The following CMTR1 variants were observed in gnomAD, a reference collection of about 807,000 sequenced individuals.
The protein encoded by CMTR1 is cap-specific mRNA (nucleoside-2'-O-)-methyltransferase 1.
Under a neutral mutation model 107.0 loss-of-function variants are expected in CMTR1, and 39 were observed. The ratio of observed to expected loss-of-function variants is 0.36; its 90% CI spans 0.28 to 0.48. The LOEUF (loss-of-function observed/expected upper bound fraction) is 0.48, where lower values mean the gene tolerates loss of function less well. Among genes scored for constraint, CMTR1 ranks in the 20% least tolerant of loss-of-function variants. The probability of loss-of-function intolerance (pLI) is 0.99; values close to 1 mark genes in which losing one functional copy is unlikely to be tolerated. For missense variants in CMTR1, 672 were observed against 1,064.9 expected (o/e 0.63, Z 5.14); for synonymous variants, 366 against 379.5 (o/e 0.96, Z 0.41).
At chr6:37,451,196 T>C (rs1470237718) in intron 5 of CMTR1, among the ~76,000 whole-genome samples, 1 of 152,208 alleles carries the variant, frequency 6.6e-6, no homozygotes, top group Non-Finnish European at 1.5e-5. Flanking sequence ...TTCTAGATAA[T>C]AGATTACCTG....
intron 1 of CMTR1, 105 bp downstream of exon 1, chr6:37,433,482 T>G (rs1368631308): frequency 6.6e-6 from 1 of 152,286 alleles, no homozygotes; most frequent in Non-Finnish European, 1.5e-5. Context: ...CGGTTATGGG[T>G]CTCCTCGCCT....
chr6:37,461,462 G>A (rs1468405800), intron 10 of CMTR1, 87 bp from the exon 11 acceptor site: 1 of 701,388 alleles, frequency 1.4e-6, no homozygotes, highest in Non-Finnish European at 2.5e-6. Context: ...AACACTTCAA[G>A]AACTCTCGAT....
At chr6:37,477,516 C>T (rs1317781997) in intron 20 of CMTR1, 76 bp from the exon 21 acceptor site, 1 of 1,369,154 alleles carries the variant, frequency 7.3e-7, no homozygotes, top group Non-Finnish European at 1.0e-6. Context: ...AGTGCAGTCT[C>T]CTGCCTCCCA....
chr6:37,432,422 G>A (rs1365873386), upstream of CMTR1, among the ~76,000 whole-genome samples: 1 of 152,212 alleles, frequency 6.6e-6, no homozygotes, highest in Non-Finnish European at 1.5e-5. Flanking sequence ...GACAGTCACG[G>A]GAGTTTGGAG....
Position 37,459,646 on chromosome 6 carries a change from A to G in CMTR1, c.1057A>G (p.Thr353Ala). ...SAFRNFVLDN[T>A]DRKGVHFLMA... ...TTTTCGGAATTTTGTCCTGGATAAC[A>G]CAGATCGCAAGGGTGTCCATTTTCT... The change falls in exon 10 of 24, where the codon ACA (threonine) becomes GCA (alanine). Residue 353 changes from threonine (T) to alanine (A), a missense_variant. Physicochemically the swap from Thr to Ala is moderately conservative, Grantham distance 58. This residue lies in a region of CMTR1 where 583 missense variants were observed against 968.4 expected (regional missense o/e 0.60). Coordinates refer to ENST00000373451, the MANE Select transcript of CMTR1 (RefSeq NM_015050.3). 1.2e-6 allele frequency: 2 copies of G among 1,614,182 alleles called. No individual in the cohort carries two copies. Among genetic ancestry groups the G allele is most frequent in the Non-Finnish European group, 8.5e-7 (1 of 1,180,034 alleles).
chr6:37,432,382 G>A (rs1379199019), upstream of CMTR1, among the ~76,000 whole-genome samples: 4 of 152,188 alleles, frequency 2.6e-5, no homozygotes, highest in African/African-American at 9.7e-5. Context: ...TTGGTTTTGT[G>A]AAGAACGCAT....
At chr6:37,478,544 C>T (rs1468432657) in intron 22 of CMTR1, 23 bp downstream of exon 22, 4 of 1,578,304 alleles carry the variant, frequency 2.5e-6, no homozygotes, top group South Asian at 2.2e-5. Context: ...GGACTGTTCC[C>T]GCCATCCCCT....
At chr6:37,450,001 A>G (rs1003010863) in intron 4 of CMTR1, among the ~76,000 whole-genome samples, 1 of 152,216 alleles carries the variant, frequency 6.6e-6, no homozygotes, top group Non-Finnish European at 1.5e-5. Context: ...ATAATGGAAC[A>G]AATGAAAGAA....
At chr6:37,430,154 A>T (rs966699324), upstream of CMTR1, among the ~76,000 whole-genome samples, 1 of 152,142 alleles carries the variant, frequency 6.6e-6, no homozygotes, top group Non-Finnish European at 1.5e-5. Flanking sequence ...AGGGGAAAAA[A>T]ATTGGGAAAC....
chr6:37,448,072 A>G (rs974856231), intron 4 of CMTR1, among the ~76,000 whole-genome samples: 1 of 151,760 alleles, frequency 6.6e-6, no homozygotes, highest in African/African-American at 2.4e-5. Context: ...TTAGCCGGGC[A>G]TGGTGGCGGG....
At position 37,458,169 on chromosome 6, in the gene CMTR1, C is replaced by G. The variant is rs2113877801; in HGVS notation, c.778-443C>G. ...TCCCGGGTTCAAGCAATTCTCATGC[C>G]TCAGCCTCCCGAGTAGCTGGGTTTA... On this transcript the variant is annotated intron_variant, in intron 8 of 23. Transcript: ENST00000373451. The surrounding 1 kb of genome is among the most constrained non-coding windows in gnomAD (Gnocchi z 4.7). 6.6e-6 allele frequency among the ~76,000 whole-genome samples: 1 copy of G among 152,228 alleles called. No individual in the cohort carries two copies. The highest frequency in any genetic ancestry group is 1.9e-4 in the East Asian group (1 of 5,182).
At chr6:37,467,691 C>T (rs537987290) in intron 13 of CMTR1, among the ~76,000 whole-genome samples, 2 of 152,184 alleles carry the variant, frequency 1.3e-5, no homozygotes, top group African/African-American at 4.8e-5. Flanking sequence ...ATGAATTGAC[C>T]TTTTATTGTT....
the CMTR1 span, among the ~76,000 whole-genome samples, chr6:37,427,486 G>A: frequency 2.6e-5 from 4 of 152,106 alleles, no homozygotes; most frequent in Non-Finnish European, 4.4e-5. The surrounding 1 kb of genome is among the most constrained non-coding windows in gnomAD (Gnocchi z 4.4). Flanking sequence ...AAAGCTTCCT[G>A]CCTTATAGAT....
chr6:37,473,404 C>T, intron 16 of CMTR1, 66 bp from the exon 17 acceptor site: 1 of 1,555,634 alleles, frequency 6.4e-7, no homozygotes, highest in South Asian at 1.2e-5. Context: ...TGCCCCCAGC[C>T]CAGATAGGCA....
At position 37,435,706 on chromosome 6, in the gene CMTR1, G is replaced by T. The variant is rs1771513153; in HGVS notation, c.77G>T (p.Ser26Ile). Reference protein sequence around the residue: ...QKKRVAELALSLSSTSDDEPP... With the variant: ...QKKRVAELALILSSTSDDEPP... Reference sequence around the variant, plus strand: ...AAAAGAGTTGCAGAGCTTGCCCTGAGCCTCAGCTCCACGTCCGATGATGAA... The same window carrying T: ...AAAAGAGTTGCAGAGCTTGCCCTGATCCTCAGCTCCACGTCCGATGATGAA... The change falls in exon 2 of 24, where the codon AGC (serine) becomes ATC (isoleucine). Residue 26 changes from serine (S) to isoleucine (I), a missense_variant. Transcript: ENST00000373451. 4.4e-6 allele frequency: 7 copies of T among 1,603,398 alleles called. No individual in the cohort carries two copies. The highest frequency in any genetic ancestry group is 6.0e-6 in the Non-Finnish European group (7 of 1,176,030).
chr6:37,446,148 T>G (rs1771789326), intron 3 of CMTR1, 143 bp from the exon 4 acceptor site: 3 of 918,538 alleles, frequency 3.3e-6, no homozygotes, highest in African/African-American at 1.7e-5. Flanking sequence ...TATTTATGCT[T>G]CTTTTCTTCA....
At chr6:37,446,520 A>G (rs1317257395) in intron 4 of CMTR1, 71 bp downstream of exon 4, 3 of 1,515,894 alleles carry the variant, frequency 2.0e-6, no homozygotes, top group Middle Eastern at 1.7e-4. Context: ...AAGAAGCCAT[A>G]TCAACAAACT....
At chr6:37,444,245 T>C (rs1428074570) in intron 3 of CMTR1, 95 bp downstream of exon 3, 1 of 1,434,840 alleles carries the variant, frequency 7.0e-7, no homozygotes, top group Non-Finnish European at 9.4e-7. Flanking sequence ...AGTTTGGCCA[T>C]AGGTTTTTCC....
intron 13 of CMTR1, among the ~76,000 whole-genome samples, chr6:37,464,070 T>C (rs1761454939): frequency 6.6e-6 from 1 of 152,196 alleles, no homozygotes; most frequent in African/African-American, 2.4e-5. Flanking sequence ...CACTTTTCTT[T>C]TTCTAAAAAA....
Sources: gnomAD v4.1 joint callset for allele counts (sites outside exome capture counted in the v4.1 genomes callset) on GRCh38, gnomAD v4.1.1 for gene constraint, gnomAD v4.1.1 regional missense constraint, Gnocchi (gnomAD v3.1) non-coding constraint, MANE v1.5 for transcripts, NCBI Gene and HGNC (gene_info 2026-07-23, HGNC 2026-07-21) for gene names.